The following PHACTR1 variants were observed in gnomAD, a reference collection of about 807,000 sequenced individuals.
PHACTR1 encodes RPEL repeat containing 1.
Under a neutral mutation model 69.2 loss-of-function variants are expected in PHACTR1, and 16 were observed. The ratio of observed to expected loss-of-function variants is 0.23; its 90% CI spans 0.16 to 0.35. The LOEUF (loss-of-function observed/expected upper bound fraction) is 0.35. PHACTR1 is among the 10% of genes least tolerant of loss of function. The pLI is 1.00. For missense variants in PHACTR1, 510 were observed against 734.7 expected (o/e 0.69, Z 3.54); for synonymous variants, 312 against 284.5 (o/e 1.10, Z -0.97).
chr6:13,041,553 A>G (rs1350672461), intron 4 of PHACTR1, among the ~76,000 whole-genome samples: 9 of 152,166 alleles, frequency 5.9e-5, no homozygotes, highest in Non-Finnish European at 2.9e-5. Context: ...GAGAGAGAAA[A>G]TGAGAAATCT....
At chr6:13,105,799 G>A (rs1273089791) in intron 5 of PHACTR1, among the ~76,000 whole-genome samples, 1 of 152,218 alleles carries the variant, frequency 6.6e-6, no homozygotes, top group Non-Finnish European at 1.5e-5. Flanking sequence ...CCAAGCTTGA[G>A]GACTGCAACA....
At chr6:13,169,251 G>GT (rs1760258478) in intron 6 of PHACTR1, among the ~76,000 whole-genome samples, 1 of 152,150 alleles carries the variant, frequency 6.6e-6, no homozygotes, top group African/African-American at 2.4e-5. Flanking sequence ...CCCGAGAGAA[G>GT]TGAGTTTAGG....
intron 4 of PHACTR1, among the ~76,000 whole-genome samples, chr6:12,936,472 C>T (rs1789462918): frequency 1.3e-5 from 2 of 152,134 alleles, no homozygotes; most frequent in South Asian, 4.1e-4. Context: ...AAACACTTGC[C>T]ACTCATTTAT....
At chr6:13,063,172 T>A (rs1807946178) in intron 5 of PHACTR1, among the ~76,000 whole-genome samples, 1 of 152,150 alleles carries the variant, frequency 6.6e-6, no homozygotes, top group African/African-American at 2.4e-5. Context: ...TCATAAGAAG[T>A]CCATACCATT....
intron 3 of PHACTR1, among the ~76,000 whole-genome samples, chr6:12,748,958 GA>G (rs1324722570): frequency 1.3e-5 from 2 of 152,182 alleles, no homozygotes. Context: ...GGGCAGATAA[GA>G]AAACTTCTGA....
chr6:13,286,932 G>C, intron 14 of PHACTR1, 131 bp from the exon 15 acceptor site: 1 of 948,206 alleles, frequency 1.1e-6, no homozygotes. Flanking sequence ...TGGTACTCCT[G>C]TGGGGATGAC....
intron 10 of PHACTR1, among the ~76,000 whole-genome samples, chr6:13,249,818 AG>A (rs1274774899): frequency 1.3e-5 from 2 of 150,836 alleles, no homozygotes; most frequent in Non-Finnish European, 2.9e-5. Context: ...AAAAAAAAAA[AG>A]TATGGTGACT....
chr6:12,916,882 C>T (rs981296946), intron 4 of PHACTR1, among the ~76,000 whole-genome samples: 6 of 152,048 alleles, frequency 3.9e-5, no homozygotes, highest in African/African-American at 7.2e-5. Flanking sequence ...TTTCTGGGCC[C>T]GGGCTCTTGA....
chr6:13,093,381 T>C (rs80272699), intron 5 of PHACTR1, among the ~76,000 whole-genome samples: 196 of 152,318 alleles, frequency 1.3e-3, no homozygotes, highest in African/African-American at 4.5e-3. Flanking sequence ...AGTCCATAAA[T>C]TGAGAATTGA....
At chr6:12,744,061 G>C (rs187561181) in intron 3 of PHACTR1, among the ~76,000 whole-genome samples, 12 of 152,302 alleles carry the variant, frequency 7.9e-5, no homozygotes, top group Admixed American at 2.6e-4. Flanking sequence ...TGACTACTGG[G>C]TACATCACGA....
Position 12,802,377 on chromosome 6 carries a change from A to G in PHACTR1, c.250+52587A>G, listed in dbSNP as rs537326284. ...GTCTTAGGAACAAAAAGCTACACACAAAATTAGTCATTTTTGTGTGCAGGC... is the reference window on the plus strand; with the variant it reads ...GTCTTAGGAACAAAAAGCTACACACGAAATTAGTCATTTTTGTGTGCAGGC... On this transcript the variant is annotated intron_variant, in intron 4 of 14. Coordinates refer to ENST00000332995, the MANE Select transcript of PHACTR1 (RefSeq NM_030948.6). Among the ~76,000 whole-genome samples the G allele has an allele frequency of 5.3e-5, 8 of 152,228 alleles. No individual in the cohort carries two copies. In the South Asian group the frequency reaches 1.7e-3, roughly 32 times the overall value.
chr6:12,747,845 A>G (rs1433150426), intron 3 of PHACTR1, among the ~76,000 whole-genome samples: 2 of 152,102 alleles, frequency 1.3e-5, no homozygotes, highest in Non-Finnish European at 2.9e-5. Context: ...GGAGGTAAAT[A>G]ATGGGAGATG....
At chr6:13,115,353 C>G (rs1241358615) in intron 5 of PHACTR1, among the ~76,000 whole-genome samples, 7 of 152,194 alleles carry the variant, frequency 4.6e-5, no homozygotes, top group Non-Finnish European at 1.0e-4. Context: ...GAAAAACCCC[C>G]TCTCTCAAAC....
intron 10 of PHACTR1, among the ~76,000 whole-genome samples, chr6:13,265,637 CT>C (rs1349061066): frequency 6.6e-6 from 1 of 152,206 alleles, no homozygotes; most frequent in African/African-American, 2.4e-5. Context: ...GGAACATCCC[CT>C]GGGTTTGACC....
chr6:12,916,230 A>G (rs1786977419), intron 4 of PHACTR1, among the ~76,000 whole-genome samples: 1 of 152,090 alleles, frequency 6.6e-6, no homozygotes, highest in South Asian at 2.1e-4. Flanking sequence ...CACAATCTTC[A>G]TGTCTGTGCA....
At chr6:12,806,266 T>A (rs1774318414) in intron 4 of PHACTR1, among the ~76,000 whole-genome samples, 1 of 152,188 alleles carries the variant, frequency 6.6e-6, no homozygotes, top group African/African-American at 2.4e-5. Context: ...TCTATTCTGG[T>A]CCCATGACAT....
intron 4 of PHACTR1, among the ~76,000 whole-genome samples, chr6:12,793,978 C>G (rs1447791609): frequency 1.3e-5 from 2 of 152,134 alleles, no homozygotes; most frequent in Non-Finnish European, 2.9e-5. Context: ...AGTCCTGGAG[C>G]TATAAAGAGA....
At chr6:13,005,747 C>T (rs1023438962) in intron 4 of PHACTR1, among the ~76,000 whole-genome samples, 3 of 152,036 alleles carry the variant, frequency 2.0e-5, no homozygotes, top group Non-Finnish European at 4.4e-5. Flanking sequence ...TCGGTGAATT[C>T]GACGTCATAT....
intron 5 of PHACTR1, among the ~76,000 whole-genome samples, chr6:13,142,071 G>A (rs1822570892): frequency 6.6e-6 from 1 of 152,094 alleles, no homozygotes; most frequent in South Asian, 2.1e-4. Flanking sequence ...GAACGGGAAA[G>A]CACATTTCTA....
Sources: gnomAD v4.1 joint callset for allele counts (sites outside exome capture counted in the v4.1 genomes callset) on GRCh38, gnomAD v4.1.1 for gene constraint, MANE v1.5 for transcripts, NCBI Gene and HGNC (gene_info 2026-07-23, HGNC 2026-07-21) for gene names.